The following ASTN2 variants were observed in gnomAD, a reference collection of about 807,000 sequenced individuals.
ASTN2 encodes astrotactin 2, also known as astrotactin-2.
In ASTN2, 54 loss-of-function variants were observed where a neutral mutation model predicts 139.8. That is an observed-to-expected ratio of 0.39 (90% CI 0.31 to 0.48). The LOEUF is 0.48. ASTN2 is among the 20% of genes least tolerant of loss of function. ASTN2 has a pLI of 0.95. For synonymous variants in ASTN2, 756 were observed against 719.5 expected, an observed-to-expected ratio of 1.05 and a Z score of -0.81; for missense variants, 1,565 against 1,725.1, an observed-to-expected ratio of 0.91 and a Z score of 1.64.
chr9:116,446,280 G>GAT (rs1847993791), intron 20 of ASTN2, among the ~76,000 whole-genome samples: 1 of 99,990 alleles, frequency 1.0e-5, no homozygotes, highest in African/African-American at 3.3e-5. Context: ...GATAGAGAGA[G>GAT]AGAGAGAGAG....
At chr9:116,848,554 G>A (rs1312458584) in intron 11 of ASTN2, among the ~76,000 whole-genome samples, 1 of 152,166 alleles carries the variant, frequency 6.6e-6, no homozygotes, top group Admixed American at 6.5e-5. Flanking sequence ...AAGGTCACAC[G>A]GCCAGTAAGT....
intron 19 of ASTN2, among the ~76,000 whole-genome samples, chr9:116,595,098 C>T (rs1854512446): frequency 6.6e-6 from 1 of 152,200 alleles, no homozygotes; most frequent in Non-Finnish European, 1.5e-5. Context: ...AAGTAAGTGA[C>T]TATGCCCCCT....
intron 3 of ASTN2, among the ~76,000 whole-genome samples, chr9:117,155,866 T>C (rs1200043876): frequency 6.6e-6 from 1 of 152,056 alleles, no homozygotes; most frequent in East Asian, 1.9e-4. Context: ...GAGAGATCAA[T>C]ATGAGTTAAC....
chr9:117,345,217 A>G (rs1282399992), intron 1 of ASTN2, among the ~76,000 whole-genome samples: 1 of 152,100 alleles, frequency 6.6e-6, no homozygotes, highest in Non-Finnish European at 1.5e-5. Context: ...ATTATTTTAC[A>G]TTCACTCCTG....
chr9:117,218,241 T>C (rs1321384232), intron 2 of ASTN2, among the ~76,000 whole-genome samples: 1 of 152,326 alleles, frequency 6.6e-6, no homozygotes, highest in South Asian at 2.1e-4. Context: ...TATTGACCCA[T>C]TGATTCTTTA....
At chr9:116,950,052 A>G (rs1835515235) in intron 10 of ASTN2, among the ~76,000 whole-genome samples, 2 of 152,038 alleles carry the variant, frequency 1.3e-5, no homozygotes, top group Non-Finnish European at 2.9e-5. Flanking sequence ...ACAGAGGTCT[A>G]TCAAAGAATA....
In ASTN2 at chr9:117,071,966, G is replaced by A. The variant is rs1030152212; in HGVS notation, c.1276+24078C>T. On this transcript the variant is annotated intron_variant, in intron 5 of 22. Transcript: ENST00000313400. Reference sequence around the variant, plus strand: ...TCAGATGGAAATGCAGAAATCACCCGTCTTCTGAGTCAGTCACGCTGGGAG... The same window carrying A: ...TCAGATGGAAATGCAGAAATCACCCATCTTCTGAGTCAGTCACGCTGGGAG... 4.6e-4 allele frequency among the ~76,000 whole-genome samples: 70 copies of A among 152,136 alleles called. 1 individual carries two copies. Among genetic ancestry groups the A allele is most frequent in the Middle Eastern group, 3.2e-3 (1 of 316 alleles).
intron 10 of ASTN2, among the ~76,000 whole-genome samples, chr9:116,932,389 T>C (rs1359430170): frequency 6.6e-6 from 1 of 152,188 alleles, no homozygotes; most frequent in Non-Finnish European, 1.5e-5. Flanking sequence ...CATTGGGTTT[T>C]TGGCTTCCAC....
chr9:117,351,403 A>G (rs1829382033), intron 1 of ASTN2, among the ~76,000 whole-genome samples: 1 of 152,146 alleles, frequency 6.6e-6, no homozygotes, highest in African/African-American at 2.4e-5. Flanking sequence ...ACTGAAACAA[A>G]ACAAAAAAAA....
At chr9:117,071,707 C>A (rs1316114260) in intron 5 of ASTN2, among the ~76,000 whole-genome samples, 1 of 148,576 alleles carries the variant, frequency 6.7e-6, no homozygotes, top group Non-Finnish European at 1.5e-5. Flanking sequence ...GGGATATAGT[C>A]TCATGGTGCG....
At chr9:117,407,154 C>T (rs1282617139) in intron 1 of ASTN2, among the ~76,000 whole-genome samples, 2 of 152,086 alleles carry the variant, frequency 1.3e-5, no homozygotes, top group Non-Finnish European at 2.9e-5. Flanking sequence ...GAAGGAATTT[C>T]CCCAGGGGAT....
At chr9:116,573,198 T>C (rs1000727129) in intron 19 of ASTN2, among the ~76,000 whole-genome samples, 1 of 152,238 alleles carries the variant, frequency 6.6e-6, no homozygotes, top group African/African-American at 2.4e-5. Flanking sequence ...GCATTCCTTG[T>C]GCTGGTGATT....
At chr9:117,004,430 T>C (rs1356369150) in intron 7 of ASTN2, among the ~76,000 whole-genome samples, 5 of 152,126 alleles carry the variant, frequency 3.3e-5, no homozygotes, top group African/African-American at 9.7e-5. Context: ...AGTTGGCCTA[T>C]ATAGAGGCTA....
At chr9:116,838,777 C>G (rs1832099343) in intron 11 of ASTN2, among the ~76,000 whole-genome samples, 1 of 152,140 alleles carries the variant, frequency 6.6e-6, no homozygotes, top group Non-Finnish European at 1.5e-5. Context: ...TGAGAACACT[C>G]TGAGCCTCAG....
chr9:117,189,222 T>C (rs1384949007), intron 3 of ASTN2, among the ~76,000 whole-genome samples: 2 of 141,618 alleles, frequency 1.4e-5, no homozygotes, highest in African/African-American at 5.2e-5. Context: ...CACTACCCAC[T>C]AGGCAGCAAA....
intron 1 of ASTN2, among the ~76,000 whole-genome samples, chr9:117,316,955 A>G (rs1372797754): frequency 1.3e-5 from 2 of 152,170 alleles, no homozygotes; most frequent in Non-Finnish European, 2.9e-5. Context: ...CCTCAGGTAT[A>G]TAAATGGAGA....
At chr9:117,149,221 T>C (rs1404520131) in intron 3 of ASTN2, among the ~76,000 whole-genome samples, 1 of 152,006 alleles carries the variant, frequency 6.6e-6, no homozygotes, top group African/African-American at 2.4e-5. Flanking sequence ...GGTTTCACCA[T>C]GTTGGCCGGG....
Position 117,333,515 on chromosome 9 carries a change from C to T in ASTN2, c.443-42002G>A, listed in dbSNP as rs112259576. ...TCCAAAACACCATAACCAAAAGATG[C>T]CCATGTAGGTGCTCCACAGTTATTG... On this transcript the variant is annotated intron_variant, in intron 1 of 22. Coordinates refer to ENST00000313400, the MANE Select transcript of ASTN2 (RefSeq NM_001365068.1). Among the ~76,000 whole-genome samples the T allele has an allele frequency of 5.0e-3, 754 of 152,188 alleles. 11 individuals carry two copies. Among genetic ancestry groups the T allele is most frequent in the African/African-American group, 0.017 (707 of 41,510 alleles).
At chr9:116,549,635 G>A (rs562323742) in intron 19 of ASTN2, among the ~76,000 whole-genome samples, 95 of 152,310 alleles carry the variant, frequency 6.2e-4, no homozygotes, top group Non-Finnish European at 1.2e-3. Flanking sequence ...TTTATGAAAC[G>A]ATTCTGGTTA....
Sources: gnomAD v4.1 joint callset for allele counts (sites outside exome capture counted in the v4.1 genomes callset) on GRCh38, gnomAD v4.1.1 for gene constraint, MANE v1.5 for transcripts, NCBI Gene and HGNC (gene_info 2026-07-23, HGNC 2026-07-21) for gene names.